Variants in GRID1 observed in about 807,000 individuals in gnomAD.
The protein encoded by GRID1 is glutamate receptor ionotropic, delta-1.
A neutral mutation model predicts 98.0 loss-of-function variants in GRID1; 28 were observed. The observed-to-expected ratio is 0.29, with a 90% CI of 0.21 to 0.39. The LOEUF is 0.39. Ranked by LOEUF, GRID1 falls within the 10% of genes least tolerant of loss-of-function variation. The pLI, the probability that GRID1 is intolerant of heterozygous loss-of-function variation, is 1.00. For synonymous variants in GRID1, 553 were observed against 538.5 expected (o/e 1.03, Z -0.37); for missense variants, 1,111 against 1,340.5 (o/e 0.83, Z 2.67).
chr10:86,272,194 A>T (rs1847195419), intron 2 of GRID1, among the ~76,000 whole-genome samples: 1 of 152,180 alleles, frequency 6.6e-6, no homozygotes, highest in Admixed American at 6.5e-5. Flanking sequence ...TTCAAAAATG[A>T]TGGTGGAGGA....
chr10:85,613,710 T>G, intron 14 of GRID1, 63 bp from the exon 15 acceptor site: 1 of 1,559,888 alleles, frequency 6.4e-7, no homozygotes, highest in Non-Finnish European at 8.7e-7. Flanking sequence ...ACCGGGGCCC[T>G]GGCCCCTGCC....
chr10:85,997,551 A>C (rs1277279301), intron 4 of GRID1, among the ~76,000 whole-genome samples: 1 of 152,222 alleles, frequency 6.6e-6, no homozygotes, highest in Non-Finnish European at 1.5e-5. Context: ...GTAATCTCCA[A>C]AGCAATATTA....
chr10:85,908,345 A>C (rs1275937039), intron 5 of GRID1, among the ~76,000 whole-genome samples: 3 of 152,220 alleles, frequency 2.0e-5, no homozygotes, highest in African/African-American at 7.2e-5. Flanking sequence ...GCAAAGTTCT[A>C]GGATACAAGA....
intron 4 of GRID1, among the ~76,000 whole-genome samples, chr10:86,094,440 TG>T (rs1249382149): frequency 6.6e-6 from 1 of 152,126 alleles, no homozygotes; most frequent in Non-Finnish European, 1.5e-5. Flanking sequence ...TCATTTACCT[TG>T]AAAACCCTAA....
chr10:85,977,783 T>C (rs1344008186), intron 4 of GRID1, among the ~76,000 whole-genome samples: 1 of 152,162 alleles, frequency 6.6e-6, no homozygotes, highest in Admixed American at 6.5e-5. Context: ...CACTAGCCAG[T>C]TGAAGACCTC....
chr10:86,217,963 C>A (rs1846200230), intron 2 of GRID1, among the ~76,000 whole-genome samples: 1 of 152,244 alleles, frequency 6.6e-6, no homozygotes, highest in African/African-American at 2.4e-5. Context: ...CCTACCCCAC[C>A]TGCATTTGTC....
At chr10:85,632,885 C>T (rs1209912517) in intron 13 of GRID1, among the ~76,000 whole-genome samples, 1 of 152,190 alleles carries the variant, frequency 6.6e-6, no homozygotes, top group Non-Finnish European at 1.5e-5. Flanking sequence ...ATCCCTCCAT[C>T]CCCCAATAGG....
chr10:85,943,588 C>G (rs556347172), intron 4 of GRID1, among the ~76,000 whole-genome samples: 36 of 152,286 alleles, frequency 2.4e-4, no homozygotes, highest in African/African-American at 8.2e-4. Context: ...ATACCAAAAT[C>G]CAGGCACACT....
At chr10:86,278,092 G>A (rs1847299772) in intron 2 of GRID1, among the ~76,000 whole-genome samples, 1 of 152,012 alleles carries the variant, frequency 6.6e-6, no homozygotes, top group African/African-American at 2.4e-5. Context: ...ATGTAAATGG[G>A]TTAAACTCTC....
At chr10:85,646,910 C>T in intron 13 of GRID1, 1 of 434,620 alleles carries the variant, frequency 2.3e-6, no homozygotes, top group Non-Finnish European at 4.3e-6. Context: ...CTCGGGTGGA[C>T]AGGCCTCTCT....
intron 12 of GRID1, among the ~76,000 whole-genome samples, chr10:85,688,891 G>A (rs1841299861): frequency 1.3e-5 from 2 of 152,158 alleles, no homozygotes; most frequent in African/African-American, 4.8e-5. Context: ...AGGAACCACA[G>A]AGAATGGGCT....
chr10:86,064,429 A>G (rs903467085), intron 4 of GRID1, among the ~76,000 whole-genome samples: 3 of 152,200 alleles, frequency 2.0e-5, no homozygotes, highest in Non-Finnish European at 4.4e-5. Context: ...GCCTCACAGA[A>G]GCTGGCCTGG....
At chr10:85,934,166 C>T (rs896117671) in intron 4 of GRID1, among the ~76,000 whole-genome samples, 3 of 151,848 alleles carry the variant, frequency 2.0e-5, no homozygotes, top group South Asian at 2.1e-4. Flanking sequence ...GGACCTCTGA[C>T]GGGAGAAGTG....
intron 4 of GRID1, among the ~76,000 whole-genome samples, chr10:86,138,043 A>T (rs1362117568): frequency 6.6e-6 from 1 of 152,106 alleles, no homozygotes; most frequent in Non-Finnish European, 1.5e-5. Context: ...GACCTGTTCA[A>T]TCTGCCTCTG....
intron 4 of GRID1, among the ~76,000 whole-genome samples, chr10:86,024,511 C>G (rs73342199): frequency 0.023 from 3,462 of 152,300 alleles, 144 homozygotes; most frequent in African/African-American, 0.079. Context: ...GTGAGACGCT[C>G]TAAATGGTAC....
chr10:85,863,974 A>C (rs1843190806), intron 6 of GRID1, among the ~76,000 whole-genome samples: 2 of 152,184 alleles, frequency 1.3e-5, no homozygotes, highest in Non-Finnish European at 2.9e-5. Flanking sequence ...CCCAACACCA[A>C]AGCTGGAAGT....
chr10:86,289,818 A>G (rs927419043), intron 2 of GRID1, among the ~76,000 whole-genome samples: 2 of 152,156 alleles, frequency 1.3e-5, no homozygotes, highest in Admixed American at 1.3e-4. Context: ...GGCCAATACT[A>G]TATCCTTAAA....
At chr10:86,126,087 A>AG (rs112635219) in intron 4 of GRID1, among the ~76,000 whole-genome samples, 17,775 of 152,126 alleles carry the variant, frequency 0.12, 1,564 homozygotes, top group African/African-American at 0.24. Context: ...AAGGCAGGTC[A>AG]CACCCACCAA....
intron 8 of GRID1, among the ~76,000 whole-genome samples, chr10:85,843,038 A>C (rs576285795): frequency 2.0e-4 from 30 of 152,182 alleles, no homozygotes; most frequent in South Asian, 4.1e-4. Context: ...AGCAAATACA[A>C]TCCAACAATG....
Sources: gnomAD v4.1 joint callset for allele counts (sites outside exome capture counted in the v4.1 genomes callset) on GRCh38, gnomAD v4.1.1 for gene constraint, MANE v1.5 for transcripts, NCBI Gene and HGNC (gene_info 2026-07-23, HGNC 2026-07-21) for gene names.